Variants in L3MBTL4 observed in about 807,000 individuals in gnomAD.
L3MBTL4 encodes lethal(3)malignant brain tumor-like protein 4.
L3MBTL4 carries 70 observed loss-of-function variants against 84.5 expected under a neutral mutation model. The observed-to-expected ratio is 0.83, with a 90% CI of 0.68 to 1.01. L3MBTL4 has a LOEUF of 1.01. L3MBTL4 is among the 50% of genes least tolerant of loss of function. The pLI is 0.00. For missense variants in L3MBTL4, 715 were observed against 754.8 expected (o/e 0.95, Z 0.62); for synonymous variants, 274 against 259.8 (o/e 1.05, Z -0.52).
intron 1 of L3MBTL4, chr18:6,326,555 A>T (rs2051729669): frequency 6.6e-6 from 1 of 152,240 alleles, no homozygotes; most frequent in South Asian, 2.1e-4. Flanking sequence ...GAAATGGAGG[A>T]TCTGCCTCCT....
Position 6,244,550 on chromosome 18 carries a change from A to C in L3MBTL4, c.258T>G (p.Ile86Met). ...GATCAATGCCTTCTAATCTCATTCCAATCTGAAAACCATTTTCATGCTCTG... is the reference window on the plus strand; with the variant it reads ...GATCAATGCCTTCTAATCTCATTCCCATCTGAAAACCATTTTCATGCTCTG... The part of the protein sequence containing the change: ...SFPEHENGFQ[I>M]GMRLEGIDPR... Residue 86 changes from isoleucine (I) to methionine (M), a missense_variant, in exon 6 of 19, where the codon ATT (isoleucine) becomes ATG (methionine). Transcript: ENST00000317931. The C allele has an allele frequency of 6.2e-7, 1 of 1,613,936 alleles. No individual in the cohort carries two copies. The highest frequency in any genetic ancestry group is 1.1e-5 in the South Asian group (1 of 91,066).
chr18:6,276,340 C>T (rs1390819136), intron 4 of L3MBTL4, among the ~76,000 whole-genome samples: 1 of 152,164 alleles, frequency 6.6e-6, no homozygotes, highest in Non-Finnish European at 1.5e-5. Context: ...TTGATTGAGA[C>T]CTGTCTCCAG....
At chr18:6,038,580 T>C (rs913672827) in intron 16 of L3MBTL4, among the ~76,000 whole-genome samples, 30 of 152,050 alleles carry the variant, frequency 2.0e-4, no homozygotes, top group Admixed American at 6.6e-4. Context: ...ACTGGTAACC[T>C]GACTTGGTGA....
intron 1 of L3MBTL4, among the ~76,000 whole-genome samples, chr18:6,373,176 G>C (rs1245892215): frequency 6.6e-6 from 1 of 152,162 alleles, no homozygotes; most frequent in African/African-American, 2.4e-5. Context: ...TGACTCTGCA[G>C]ATTCTGGGAA....
At chr18:6,004,655 A>T (rs1290801956) in intron 16 of L3MBTL4, among the ~76,000 whole-genome samples, 4 of 151,816 alleles carry the variant, frequency 2.6e-5, no homozygotes, top group African/African-American at 9.7e-5. Flanking sequence ...ATATATATCC[A>T]ACGGGATATT....
At chr18:6,087,500 G>A (rs1407740343) in intron 15 of L3MBTL4, among the ~76,000 whole-genome samples, 2 of 152,170 alleles carry the variant, frequency 1.3e-5, no homozygotes, top group Non-Finnish European at 2.9e-5. Context: ...AGTCTGAGTG[G>A]AGGTGGGGAG....
intron 4 of L3MBTL4, among the ~76,000 whole-genome samples, chr18:6,296,981 G>A (rs940809514): frequency 6.6e-6 from 1 of 152,152 alleles, no homozygotes; most frequent in African/African-American, 2.4e-5. Context: ...ACTGAACACT[G>A]GGGAACAAAA....
chr18:6,333,037 G>A (rs2052122648), intron 1 of L3MBTL4, among the ~76,000 whole-genome samples: 1 of 151,872 alleles, frequency 6.6e-6, no homozygotes, highest in African/African-American at 2.4e-5. Flanking sequence ...TGTCTTAAGA[G>A]TTCTTCCAAC....
chr18:6,047,581 GCAAGGTTGGTT>G (rs1287787625), intron 16 of L3MBTL4, among the ~76,000 whole-genome samples: 1 of 152,208 alleles, frequency 6.6e-6, no homozygotes, highest in Non-Finnish European at 1.5e-5. Flanking sequence ...TTCCTGGGAT[GCAAGGTTGGTT>G]CAACAAATGC....
intron 16 of L3MBTL4, among the ~76,000 whole-genome samples, chr18:6,022,216 G>A (rs536697429): frequency 6.6e-6 from 1 of 152,224 alleles, no homozygotes; most frequent in South Asian, 2.1e-4. Flanking sequence ...GCTATTACAA[G>A]GCCATGTGTA....
intron 16 of L3MBTL4, among the ~76,000 whole-genome samples, chr18:5,973,633 G>C (rs2052761233): frequency 6.6e-6 from 1 of 152,168 alleles, no homozygotes; most frequent in African/African-American, 2.4e-5. Flanking sequence ...TGAAGGCATA[G>C]ACCGTTTCCA....
intron 10 of L3MBTL4, among the ~76,000 whole-genome samples, chr18:6,222,173 A>G (rs2046583649): frequency 6.6e-6 from 1 of 152,224 alleles, no homozygotes; most frequent in Non-Finnish European, 1.5e-5. Context: ...TTAAAGTTAA[A>G]ATATCTTTCT....
intron 4 of L3MBTL4, among the ~76,000 whole-genome samples, chr18:6,276,170 C>T (rs980433642): frequency 9.9e-5 from 15 of 152,196 alleles, no homozygotes; most frequent in South Asian, 4.1e-4. Flanking sequence ...CGAGGTGTCC[C>T]GCCTTTCCAG....
intron 14 of L3MBTL4, among the ~76,000 whole-genome samples, chr18:6,136,713 G>T (rs1038755913): frequency 6.6e-6 from 1 of 152,178 alleles, no homozygotes; most frequent in African/African-American, 2.4e-5. Context: ...CTGTAATGGG[G>T]ATCTTGAGGC....
rs541454364 is a variant in L3MBTL4, at chr18:6,409,614, T to C, written c.-91+5187A>G. Among the ~76,000 whole-genome samples the C allele has an allele frequency of 2.6e-5, 4 of 152,294 alleles. No individual in the cohort carries two copies. The East Asian group carries it at 7.7e-4, about 29-fold the overall frequency. ...TGCATGTGCCCATGTACAGACAGAC[T>C]GGGAGTTCAAATTCAGGAGGGTTGT... On this transcript the variant is annotated intron_variant, in intron 1 of 18. Coordinates refer to ENST00000317931, the MANE Select transcript of L3MBTL4 (RefSeq NM_001330559.2).
At chr18:5,957,564 C>T (rs1036277088) in intron 18 of L3MBTL4, among the ~76,000 whole-genome samples, 2 of 152,060 alleles carry the variant, frequency 1.3e-5, no homozygotes, top group Non-Finnish European at 2.9e-5. Context: ...CAGATGATTC[C>T]TGGCTCCAGA....
At chr18:6,246,252 T>A (rs894347248) in intron 5 of L3MBTL4, among the ~76,000 whole-genome samples, 1 of 152,236 alleles carries the variant, frequency 6.6e-6, no homozygotes, top group Non-Finnish European at 1.5e-5. Flanking sequence ...TTTGATCTAA[T>A]CATTTTTATC....
intron 12 of L3MBTL4, among the ~76,000 whole-genome samples, chr18:6,201,727 G>T (rs1229334053): frequency 1.3e-5 from 2 of 152,154 alleles, no homozygotes; most frequent in East Asian, 3.8e-4. Flanking sequence ...ATGATAGAGT[G>T]TGCAACAACC....
At chr18:5,963,160 C>T (rs1318019028) in intron 17 of L3MBTL4, among the ~76,000 whole-genome samples, 1 of 152,224 alleles carries the variant, frequency 6.6e-6, no homozygotes, top group Admixed American at 6.5e-5. Flanking sequence ...AGCACAGGGA[C>T]AGTGGCTTCC....
Sources: gnomAD v4.1 joint callset for allele counts (sites outside exome capture counted in the v4.1 genomes callset) on GRCh38, gnomAD v4.1.1 for gene constraint, MANE v1.5 for transcripts, NCBI Gene and HGNC (gene_info 2026-07-23, HGNC 2026-07-21) for gene names.